TSC2: variants seen among roughly 807,000 people sequenced by gnomAD.
TSC2 encodes tuberin.
TSC2 carries 29 observed loss-of-function variants against 202.2 expected under a neutral mutation model. That is an observed-to-expected ratio of 0.14 (90% CI 0.11 to 0.20). The LOEUF (loss-of-function observed/expected upper bound fraction) is 0.20, where lower values mean the gene tolerates loss of function less well. TSC2 is among the 10% of genes least tolerant of loss of function. The pLI, the probability that TSC2 is intolerant of heterozygous loss-of-function variation, is 1.00. For synonymous variants in TSC2, 1,349 were observed against 1,044.0 expected, an observed-to-expected ratio of 1.29 and a Z score of -5.63; for missense variants, 2,429 against 2,420.0, an observed-to-expected ratio of 1.00 and a Z score of -0.08.
Position 2,084,209 on chromosome 16 carries a change from T to A in TSC2, c.4006-19T>A. On this transcript the variant is annotated intron_variant, in intron 33 of 41. Transcript: ENST00000219476. ...GGGTGCCTGCTGACAGGGGTTCTCT[T>A]TGGGATGGTCCTTTCTAGTCGTCCT... The A allele has an allele frequency of 6.4e-7, 1 of 1,566,028 alleles. No homozygotes were observed. Among genetic ancestry groups the A allele is most frequent in the East Asian group, 2.4e-5 (1 of 41,948 alleles).
chr16:2,062,848 C>T, intron 13 of TSC2, 124 bp from the exon 14 acceptor site: 1 of 1,129,632 alleles, frequency 8.9e-7, no homozygotes, highest in Non-Finnish European at 1.3e-6. Context: ...AAGCAGAGCT[C>T]TGTGCCCTGT....
chr16:2,084,743 C>T (rs1289788711), intron 34 of TSC2, 28 bp downstream of exon 34: 7 of 1,598,406 alleles, frequency 4.4e-6, no homozygotes, highest in South Asian at 1.1e-5. Flanking sequence ...GGGCGGGGCT[C>T]CTGACACCTC....
In TSC2 at chr16:2,086,736, C is replaced by G. The variant is rs45517378; in HGVS notation, c.4854C>G (p.Val1618=). 6.2e-7 allele frequency: 1 copy of G among 1,610,352 alleles called. No individual in the cohort carries two copies. The highest frequency in any genetic ancestry group is 8.5e-7 in the Non-Finnish European group (1 of 1,179,958). ...TCCGGCCCTGCTCACCCTCAGCCGT[C>G]TTCCACATCGCCACCCTGATGCCCA... ...YCWHDDIMQA[V]FHIATLMPTK... Residue 1618 remains valine, a synonymous_variant, in exon 38 of 42, where the codon GTC becomes GTG. Coordinates refer to ENST00000219476, the MANE Select transcript of TSC2 (RefSeq NM_000548.5).
chr16:2,070,659 C>T (rs2088170816), intron 17 of TSC2, 81 bp downstream of exon 17: 2 of 1,600,186 alleles, frequency 1.2e-6, no homozygotes, highest in African/African-American at 2.7e-5. Context: ...TTCCTGGAAG[C>T]TGCAGAGACG....
In TSC2 at chr16:2,050,394, C is replaced by T. The variant is rs778516569; in HGVS notation, c.139-6C>T. 1.9e-5 allele frequency: 30 copies of T among 1,613,660 alleles called. No homozygotes were observed. Among genetic ancestry groups the T allele is most frequent in the Admixed American group, 6.7e-5 (4 of 59,974 alleles). ...GGCCCCTTTTTCTTCTTTCATCTCT[C>T]TCCAGGAACTGAGCATGGAATGTGG... On this transcript the variant is annotated splice_region_variant and splice_polypyrimidine_tract_variant and intron_variant, in intron 2 of 41. Coordinates refer to ENST00000219476, the MANE Select transcript of TSC2 (RefSeq NM_000548.5).
rs754504918 is a variant in TSC2, at chr16:2,071,816, G to A, written c.1979G>A (p.Ser660Asn). Residue 660 changes from serine to asparagine, a missense_variant, in exon 19 of 42, where the codon AGC becomes AAC. Transcript: ENST00000219476. ...GAGAGAGGCTCTGAGAAGAAGACCA[G>A]CGGCCCCCTTTCTCCTCCCACAGGG... is the stretch of plus-strand genomic sequence containing the variant. ...EPERGSEKKT[S>N]GPLSPPTGPP... The A allele has an allele frequency of 1.9e-6, 3 of 1,602,504 alleles. No individual in the cohort carries two copies. Among genetic ancestry groups the A allele is most frequent in the Non-Finnish European group, 2.6e-6 (3 of 1,175,314 alleles).
intron 25 of TSC2, 67 bp downstream of exon 25, chr16:2,076,652 C>T (rs1338648491): frequency 6.6e-7 from 1 of 1,526,278 alleles, no homozygotes. Flanking sequence ...TGTGGCCTGC[C>T]TGACGGTGCC....
At chr16:2,064,490 C>G (rs2087047399) in intron 15 of TSC2, 63 bp downstream of exon 15, 1 of 1,607,550 alleles carries the variant, frequency 6.2e-7, no homozygotes, top group Non-Finnish European at 8.5e-7. Flanking sequence ...CAGCAATGGC[C>G]TCTGGGCCCT....
At chr16:2,080,494 T>A in intron 30 of TSC2, 117 bp downstream of exon 30, 1 of 1,271,438 alleles carries the variant, frequency 7.9e-7, no homozygotes, top group Non-Finnish European at 1.1e-6. Context: ...AACTTTTGTT[T>A]TTTTTTTGAG....
At position 2,048,051 on chromosome 16, in the gene TSC2, G is replaced by C. The variant is rs1375001577; in HGVS notation, c.-44G>C. 41 of 1,424,410 alleles carry C rather than the reference G, an allele frequency of 2.9e-5. No homozygotes were observed. Among genetic ancestry groups the C allele is most frequent in the Admixed American group, 1.5e-4 (5 of 33,974 alleles). 88.2% of individuals were successfully genotyped at this position (1,424,410 alleles called of 1,614,324 possible). A position where few individuals can be genotyped will look rare whatever the true frequency, so the allele number is the denominator to read the frequency against. ...CCGCGTCGGGGCGGCCCGGAGCGCGGTGGCGCGGCGCGGGGTAAGTGGCGG... is the reference window on the plus strand; with the variant it reads ...CCGCGTCGGGGCGGCCCGGAGCGCGCTGGCGCGGCGCGGGGTAAGTGGCGG... On this transcript the variant is annotated 5_prime_UTR_variant, in exon 1 of 42. Transcript: ENST00000219476.
chr16:2,060,542 C>A, intron 10 of TSC2, 128 bp from the exon 11 acceptor site: 1 of 1,510,988 alleles, frequency 6.6e-7, no homozygotes, highest in Non-Finnish European at 9.1e-7. Flanking sequence ...TTTCTGCGGC[C>A]CCTGATAAAC....
In TSC2 at chr16:2,064,406, C is replaced by T. The variant is rs34012042; in HGVS notation, c.1578C>T (p.Ser526=). 100,685 of 1,613,664 alleles carry T rather than the reference C, an allele frequency of 0.062. 3,543 individuals carry two copies. Among genetic ancestry groups the T allele is most frequent in the Middle Eastern group, 0.1 (610 of 6,032 alleles). Residue 526 remains serine (S), a synonymous_variant, in exon 15 of 42, where the codon AGC becomes AGT. Coordinates refer to ENST00000219476, the MANE Select transcript of TSC2 (RefSeq NM_000548.5). ...AEGCHTHHFN[S]LLDIIEKVMA... ...GCTGCCACACACACCACTTCAACAGCCTGCTGGACATCATCGAGAAGGTGA... is the reference window on the plus strand; with the variant it reads ...GCTGCCACACACACCACTTCAACAGTCTGCTGGACATCATCGAGAAGGTGA...
chr16:2,073,062 T>C lies in TSC2; in HGVS notation c.2355+79T>C. 3 of 1,602,172 alleles carry C rather than the reference T, an allele frequency of 1.9e-6. No individual in the cohort carries two copies. The East Asian group carries it at 6.7e-5, about 36-fold the overall frequency. On this transcript the variant is annotated intron_variant, in intron 21 of 41. Transcript: ENST00000219476. ...CTGGCCCAGGTAGGCCCCACATTTT[T>C]CTCATAAACGAGTTTCTGCCAGGCC...
intron 32 of TSC2, chr16:2,083,087 T>TG: frequency 2.2e-6 from 1 of 455,004 alleles, no homozygotes; most frequent in Non-Finnish European, 4.4e-6. Context: ...GGTGGCTGAC[T>TG]GCGCGTGTGC....
At position 2,088,461 on chromosome 16, in the gene TSC2, G is replaced by C. The variant is rs758450326; in HGVS notation, c.5275G>C (p.Ala1759Pro). 6.2e-7 allele frequency: 1 copy of C among 1,612,758 alleles called. No individual in the cohort carries two copies. The highest frequency in any genetic ancestry group is 2.2e-5 in the East Asian group (1 of 44,864). ...CTGCCTTCAGATCTGCGAGGAAGCC[G>C]CCTACTCCAACCCCAGCCTACCTCT... The part of the protein sequence containing the change: ...RLRQRICEEA[A>P]YSNPSLPLVH... Residue 1759 changes from alanine (A) to proline (P), a missense_variant, in exon 42 of 42, where the codon GCC becomes CCC. Physicochemically the swap from Ala to Pro is conservative, Grantham distance 27. Coordinates refer to ENST00000219476, the MANE Select transcript of TSC2 (RefSeq NM_000548.5).
intron 3 of TSC2, 94 bp from the exon 4 acceptor site, chr16:2,053,248 C>T (rs1415413518): frequency 7.9e-7 from 1 of 1,273,590 alleles, no homozygotes; most frequent in East Asian, 2.5e-5. Context: ...CCCCGTTGTT[C>T]CTCCCTGTCC....
At chr16:2,052,402 C>T (rs1372798913) in intron 3 of TSC2, among the ~76,000 whole-genome samples, 2 of 152,000 alleles carry the variant, frequency 1.3e-5, no homozygotes, top group Non-Finnish European at 2.9e-5. Flanking sequence ...CTCAACCTGC[C>T]AGGCTCACGT....
Position 2,077,669 on chromosome 16 carries a change from C to G in TSC2, c.2909C>G (p.Ser970Cys), listed in dbSNP as rs758447107. The part of the protein sequence containing the change: ...SPPVKEFKES[S>C]AAEAFRCRSI... ...CCCGTGAAAGAATTCAAGGAGAGCT[C>G]TGCAGCCGAGGCCTTCCGGTGCCGC... Residue 970 changes from serine (S) to cysteine (C), a missense_variant, in exon 26 of 42, where the codon TCT becomes TGT. Ser to Cys is a moderately radical substitution (Grantham distance 112). Transcript: ENST00000219476. 6.2e-7 allele frequency: 1 copy of G among 1,613,130 alleles called. No individual in the cohort carries two copies. The highest frequency in any genetic ancestry group is 8.5e-7 in the Non-Finnish European group (1 of 1,180,030).
At chr16:2,083,524 T>C in intron 32 of TSC2, 171 bp from the exon 33 acceptor site, 1 of 1,198,646 alleles carries the variant, frequency 8.3e-7, no homozygotes, top group Non-Finnish European at 1.2e-6. Flanking sequence ...CGTGCAGGCC[T>C]TCCCAGCGTC....
Sources: gnomAD v4.1 joint callset for allele counts (sites outside exome capture counted in the v4.1 genomes callset) on GRCh38, gnomAD v4.1.1 for gene constraint, MANE v1.5 for transcripts, NCBI Gene and HGNC (gene_info 2026-07-23, HGNC 2026-07-21) for gene names.